The following SMAD3 variants were observed in gnomAD, a reference collection of about 807,000 sequenced individuals.
The protein encoded by SMAD3 is MAD homolog 3.
Under a neutral mutation model 51.8 loss-of-function variants are expected in SMAD3, and 12 were observed. That is an observed-to-expected ratio of 0.23 (90% confidence interval 0.15 to 0.38). The LOEUF (loss-of-function observed/expected upper bound fraction) is 0.38. Among genes scored for constraint, SMAD3 ranks in the 10% least tolerant of loss-of-function variants. The pLI is 1.00. For synonymous variants in SMAD3, 238 were observed against 227.7 expected, an observed-to-expected ratio of 1.05 and a Z score of -0.41; for missense variants, 294 against 565.6, an observed-to-expected ratio of 0.52 and a Z score of 4.87.
At chr15:67,185,449 C>T (rs528719490) in intron 7 of SMAD3, among the ~76,000 whole-genome samples, 7 of 152,248 alleles carry the variant, frequency 4.6e-5, no homozygotes, top group African/African-American at 1.7e-4. Context: ...GGGGGAGCAG[C>T]CCAGGCAAAG....
chr15:67,094,834 T>C (rs940758905), intron 1 of SMAD3, among the ~76,000 whole-genome samples: 1 of 152,178 alleles, frequency 6.6e-6, no homozygotes, highest in Non-Finnish European at 1.5e-5. Context: ...CACTCTTTTT[T>C]CTTGCATTAA....
At chr15:67,077,238 T>C (rs745325689) in intron 1 of SMAD3, among the ~76,000 whole-genome samples, 3 of 152,178 alleles carry the variant, frequency 2.0e-5, no homozygotes, top group Admixed American at 6.5e-5. Context: ...TGTATGTATG[T>C]ACGTATGTAT....
chr15:67,168,835 T>C (rs1962664627), intron 4 of SMAD3, among the ~76,000 whole-genome samples: 1 of 152,206 alleles, frequency 6.6e-6, no homozygotes, highest in East Asian at 1.9e-4. Flanking sequence ...GTCTCTGTTC[T>C]TCAGAGTTGC....
At chr15:67,106,838 C>T (rs1269581026) in intron 1 of SMAD3, among the ~76,000 whole-genome samples, 1 of 152,176 alleles carries the variant, frequency 6.6e-6, no homozygotes, top group East Asian at 1.9e-4. Flanking sequence ...CAAGGTGACA[C>T]TTATCTGATT....
chr15:67,067,930 T>C (rs1959965063), intron 1 of SMAD3, among the ~76,000 whole-genome samples: 1 of 152,134 alleles, frequency 6.6e-6, no homozygotes, highest in Non-Finnish European at 1.5e-5. Context: ...ATGCTACTTC[T>C]CTTTCTGGGG....
At chr15:67,131,170 A>C (rs934876942) in intron 1 of SMAD3, among the ~76,000 whole-genome samples, 2 of 152,230 alleles carry the variant, frequency 1.3e-5, no homozygotes, top group African/African-American at 4.8e-5. Context: ...TGCTATTGCC[A>C]TGTTCTCTGA....
chr15:67,187,278 G>T, intron 7 of SMAD3, 87 bp from the exon 8 acceptor site: 3 of 1,514,714 alleles, frequency 2.0e-6, no homozygotes, highest in South Asian at 1.1e-5. Flanking sequence ...GGCTGGTCTA[G>T]GGGGTCCAGG....
chr15:67,177,688 G>A (rs144613113), intron 5 of SMAD3, among the ~76,000 whole-genome samples: 97 of 151,794 alleles, frequency 6.4e-4, no homozygotes, highest in African/African-American at 2.1e-3. Context: ...CTCCCAAAGT[G>A]CTTGGGATTA....
intron 1 of SMAD3, among the ~76,000 whole-genome samples, chr15:67,151,107 C>T (rs1566986213): frequency 6.6e-6 from 1 of 151,584 alleles, no homozygotes; most frequent in Non-Finnish European, 1.5e-5. Flanking sequence ...GATCTGCCCA[C>T]CTTGGCTACC....
chr15:67,121,975 A>C (rs1029006301), intron 1 of SMAD3, among the ~76,000 whole-genome samples: 21 of 152,336 alleles, frequency 1.4e-4, no homozygotes, highest in African/African-American at 5.1e-4. Context: ...ATTAAAATTA[A>C]ATACAATTAC....
At chr15:67,118,052 G>A (rs1205508632) in intron 1 of SMAD3, among the ~76,000 whole-genome samples, 2 of 152,340 alleles carry the variant, frequency 1.3e-5, no homozygotes, top group East Asian at 1.9e-4. Flanking sequence ...AGATCGCACC[G>A]TTGCATTCCA....
Position 67,190,546 on chromosome 15 carries a change from G to A in SMAD3, c.*10G>A, listed in dbSNP as rs1432305602. The A allele has an allele frequency of 3.1e-6, 5 of 1,614,010 alleles. No homozygotes were observed. The highest frequency in any genetic ancestry group is 2.2e-5 in the South Asian group (2 of 91,070). Reference sequence around the variant, plus strand: ...TTCCAGTGTGTCTTAGAGACATCAAGTATGGTAGGGGAGGGCAGGCTTGGG... The same window carrying A: ...TTCCAGTGTGTCTTAGAGACATCAAATATGGTAGGGGAGGGCAGGCTTGGG... On this transcript the variant is annotated 3_prime_UTR_variant, in exon 9 of 9. Coordinates refer to ENST00000327367, the MANE Select transcript of SMAD3 (RefSeq NM_005902.4).
intron 1 of SMAD3, among the ~76,000 whole-genome samples, chr15:67,118,346 C>T (rs1961182360): frequency 6.6e-6 from 1 of 152,200 alleles, no homozygotes; most frequent in African/African-American, 2.4e-5. Flanking sequence ...TGTTTATTAC[C>T]AGGGTTAGAT....
chr15:67,082,320 T>A (rs77577061), intron 1 of SMAD3, among the ~76,000 whole-genome samples: 239 of 152,286 alleles, frequency 1.6e-3, no homozygotes, highest in African/African-American at 5.6e-3. Flanking sequence ...CAAGCCAGGT[T>A]GTTTCAGGTT....
chr15:67,087,423 CT>C (rs1960417146), intron 1 of SMAD3, among the ~76,000 whole-genome samples: 1 of 152,130 alleles, frequency 6.6e-6, no homozygotes, highest in Non-Finnish European at 1.5e-5. Context: ...GTTGGAAACT[CT>C]TTTCTCTTTG....
chr15:67,183,031 A>ATTTT (rs57749736), intron 6 of SMAD3, among the ~76,000 whole-genome samples: 46 of 29,702 alleles, frequency 1.5e-3, no homozygotes, highest in East Asian at 5.8e-3. Flanking sequence ...ATATATATAT[A>ATTTT]TTTTTTTTTT....
intron 1 of SMAD3, among the ~76,000 whole-genome samples, chr15:67,082,664 G>C (rs983568303): frequency 6.6e-6 from 1 of 152,168 alleles, no homozygotes; most frequent in Non-Finnish European, 1.5e-5. Flanking sequence ...TTTTGCCGTC[G>C]TCGGACGGAA....
chr15:67,120,405 A>G (rs1467586857), intron 1 of SMAD3, among the ~76,000 whole-genome samples: 1 of 152,190 alleles, frequency 6.6e-6, no homozygotes, highest in Admixed American at 6.5e-5. Flanking sequence ...ATAGATGGAT[A>G]ATTTTTAAAA....
intron 1 of SMAD3, among the ~76,000 whole-genome samples, chr15:67,145,705 G>A (rs1961957034): frequency 6.6e-6 from 1 of 152,170 alleles, no homozygotes; most frequent in South Asian, 2.1e-4. Flanking sequence ...TTCCCACATG[G>A]CCCCTTTATA....
Sources: allele counts gnomAD v4.1 joint callset (sites outside exome capture counted in the v4.1 genomes callset), GRCh38; gene constraint gnomAD v4.1.1; transcripts MANE v1.5; gene names NCBI Gene and HGNC (gene_info 2026-07-23, HGNC 2026-07-21).